Variants in KRT86 observed in about 807,000 individuals in gnomAD.
The protein encoded by KRT86 is keratin, type II cuticular Hb6.
KRT86 carries 30 observed loss-of-function variants against 41.2 expected under a neutral mutation model. The observed-to-expected ratio is 0.73, with a 90% CI of 0.54 to 0.99. The LOEUF (loss-of-function observed/expected upper bound fraction) is 0.99, where lower values mean the gene tolerates loss of function less well. KRT86 is among the 50% of genes least tolerant of loss of function. The pLI, the probability that KRT86 is intolerant of heterozygous loss-of-function variation, is 0.00. For synonymous variants in KRT86, 238 were observed against 238.1 expected, an observed-to-expected ratio of 1.00 and a Z score of 0.00; for missense variants, 561 against 571.4, an observed-to-expected ratio of 0.98 and a Z score of 0.19.
chr12:52,288,348 C>G, intron 2 of KRT86: 1 of 1,613,870 alleles, frequency 6.2e-7, no homozygotes, highest in Non-Finnish European at 8.5e-7. Context: ...CTGTCTGGCC[C>G]CTGAGCCCGC....
In KRT86 at chr12:52,274,649, T is replaced by C; in HGVS notation, c.-204T>C. The C allele has an allele frequency of 1.0e-6, 1 of 967,462 alleles. No homozygotes were observed. Among genetic ancestry groups the C allele is most frequent in the Non-Finnish European group, 1.2e-6 (1 of 813,570 alleles). 59.9% of individuals were successfully genotyped at this position (967,462 alleles called of 1,614,324 possible). ...CCCTAGTCCTCAGTGGCAAGGATTC[T>C]GGTAGCTCTTGGGCTGAAGCTGGGC... On this transcript the variant is annotated 5_prime_UTR_variant, in exon 1 of 11. Coordinates refer to ENST00000423955, the MANE Select transcript of KRT86 (RefSeq NM_001320198.2).
Position 52,305,005 on chromosome 12 carries a change from TC to T in KRT86, c.715del (p.Leu239Ter). 6.2e-7 allele frequency: 1 copy of T among 1,614,000 alleles called. No individual in the cohort carries two copies. Among genetic ancestry groups the T allele is most frequent in the East Asian group, 2.2e-5 (1 of 44,870 alleles). On this transcript the variant is annotated frameshift_variant, in exon 6 of 11. Transcript: ENST00000423955. LOFTEE classifies it high-confidence loss of function. ...GAGGCCCTGATCCAGGAGATCGACT[TC>T]CTGAGGCGGCTGTATGAGGAGGTGC... ...NVEALIQEID[F>X]LRRLYEEEIR...
chr12:52,291,444 C>G lies in KRT86; in HGVS notation c.-4-10469C>G, dbSNP rs183915325. On this transcript the variant is annotated intron_variant, in intron 2 of 10. Transcript: ENST00000423955. ...GAGATGCAGCTGAAGGCGCGCCCAC[C>G]AAATCCTGATCCGCAGGTCATGATC... 5.0e-6 allele frequency: 8 copies of G among 1,612,716 alleles called. No individual in the cohort carries two copies. The African/African-American group carries it at 1.1e-4, about 22-fold the overall frequency.
intron 2 of KRT86, among the ~76,000 whole-genome samples, chr12:52,281,773 C>G (rs565436081): frequency 2.4e-4 from 37 of 152,272 alleles, no homozygotes; most frequent in African/African-American, 8.4e-4. Context: ...AAGTCTTGCT[C>G]TATCACCCAG....
Position 52,305,236 on chromosome 12 carries a change from G to T in KRT86, c.736-4G>T. 1 of 1,614,230 alleles carries T rather than the reference G, an allele frequency of 6.2e-7. No homozygotes were observed. Among genetic ancestry groups the T allele is most frequent in the Admixed American group, 1.7e-5 (1 of 60,028 alleles). On this transcript the variant is annotated splice_region_variant and splice_polypyrimidine_tract_variant and intron_variant, in intron 6 of 10. Transcript: ENST00000423955. The stretch of plus-strand genomic sequence containing the variant: ...ACTAAAGTCACTGCCCTCACCTCCT[G>T]CAGGAGATCCGCGTTCTCCAGTCCC...
At chr12:52,297,377 G>C (rs532409802) in intron 2 of KRT86, among the ~76,000 whole-genome samples, 10 of 152,210 alleles carry the variant, frequency 6.6e-5, no homozygotes, top group Admixed American at 2.0e-4. Context: ...TCCTCTTAAT[G>C]CCTCCTTCCC....
intron 2 of KRT86, among the ~76,000 whole-genome samples, chr12:52,284,838 A>G (rs1420103870): frequency 6.6e-6 from 1 of 152,134 alleles, no homozygotes; most frequent in African/African-American, 2.4e-5. Flanking sequence ...CTGAGCTGTC[A>G]TCTTCCCCTT....
intron 2 of KRT86, among the ~76,000 whole-genome samples, chr12:52,300,083 T>C (rs73309355): frequency 0.026 from 3,885 of 152,338 alleles, 183 homozygotes; most frequent in African/African-American, 0.088. Flanking sequence ...TGAGGTCTTA[T>C]ATTTAAGTCT....
At chr12:52,285,879 G>A (rs540946161) in intron 2 of KRT86, 2 of 310,886 alleles carry the variant, frequency 6.4e-6, no homozygotes, top group Admixed American at 9.2e-5. Flanking sequence ...CCCGACCCCT[G>A]AGGAGGGTAA....
At chr12:52,282,875 A>G (rs1937808882) in intron 2 of KRT86, among the ~76,000 whole-genome samples, 1 of 152,200 alleles carries the variant, frequency 6.6e-6, no homozygotes, top group Non-Finnish European at 1.5e-5. Flanking sequence ...ATGTATAATC[A>G]CACATTTAGA....
chr12:52,295,221 T>C (rs1419320156), intron 2 of KRT86, among the ~76,000 whole-genome samples: 2 of 152,198 alleles, frequency 1.3e-5, no homozygotes, highest in African/African-American at 4.8e-5. Context: ...TTGATGTTCA[T>C]CTTATACCAC....
intron 2 of KRT86, among the ~76,000 whole-genome samples, chr12:52,284,055 T>C (rs1411385711): frequency 1.3e-5 from 2 of 151,844 alleles, no homozygotes; most frequent in South Asian, 2.1e-4. Context: ...AAGGCCCAGC[T>C]AGGCTGAAGT....
intron 2 of KRT86, 82 bp from the exon 3 acceptor site, chr12:52,301,831 G>A (rs971794403): frequency 2.5e-6 from 4 of 1,612,946 alleles, no homozygotes; most frequent in African/African-American, 2.7e-5. Context: ...AGAGGTGCAA[G>A]TAGTGAACGC....
chr12:52,304,686 A>G (rs1251808509), intron 5 of KRT86, among the ~76,000 whole-genome samples: 2 of 151,668 alleles, frequency 1.3e-5, no homozygotes, highest in African/African-American at 4.8e-5. Flanking sequence ...GAGGGGAGAA[A>G]GGAGAGATAA....
chr12:52,291,551 G>C (rs547619585), intron 2 of KRT86: 1 of 1,559,724 alleles, frequency 6.4e-7, no homozygotes, highest in East Asian at 2.3e-5. Flanking sequence ...TCAGGGCACC[G>C]CAGCCCTATT....
intron 2 of KRT86, among the ~76,000 whole-genome samples, chr12:52,300,574 G>T (rs1938349138): frequency 6.6e-6 from 1 of 152,206 alleles, no homozygotes; most frequent in South Asian, 2.1e-4. Context: ...GCAGAGCCTT[G>T]GTTCCTACCC....
rs1234259638 is a variant in KRT86 at position 52,305,287 on chromosome 12, C to G, written c.783C>G (p.Val261=). The G allele has an allele frequency of 4.3e-6, 7 of 1,614,218 alleles. No individual in the cohort carries two copies. In the South Asian group the frequency reaches 7.7e-5, roughly 18 times the overall value. Residue 261 remains valine, a synonymous_variant, in exon 7 of 11, where the codon GTC becomes GTG. Transcript: ENST00000423955. Reference sequence around the variant, plus strand: ...ACATCTCAGACACCTCCGTGGTTGTCAAGCTGGACAACAGCCGGGACCTGA... The same window carrying G: ...ACATCTCAGACACCTCCGTGGTTGTGAAGCTGGACAACAGCCGGGACCTGA... ...QSHISDTSVV[V]KLDNSRDLNM... is the part of the protein sequence containing the mutation.
At chr12:52,291,023 A>G (rs1938099793) in intron 2 of KRT86, 1 of 456,880 alleles carries the variant, frequency 2.2e-6, no homozygotes, top group Admixed American at 5.0e-5. Flanking sequence ...TGTGCCTCTG[A>G]CTCCATCCTT....
intron 2 of KRT86, chr12:52,291,407 G>A (rs747238851): frequency 6.2e-7 from 1 of 1,610,824 alleles, no homozygotes; most frequent in Non-Finnish European, 8.5e-7. Flanking sequence ...GCCGGGCCGC[G>A]GCCCGCAGGC....
Sources: gnomAD v4.1 joint callset for allele counts (sites outside exome capture counted in the v4.1 genomes callset) on GRCh38, gnomAD v4.1.1 for gene constraint, MANE v1.5 for transcripts, NCBI Gene and HGNC (gene_info 2026-07-23, HGNC 2026-07-21) for gene names.